L3MBTL3: variants seen among roughly 807,000 people sequenced by gnomAD.
L3MBTL3 encodes lethal(3)malignant brain tumor-like protein 3.
In L3MBTL3, 27 loss-of-function variants were observed where a neutral mutation model predicts 102.3. The ratio of observed to expected loss-of-function variants is 0.26; its 90% confidence interval spans 0.19 to 0.36. The LOEUF (loss-of-function observed/expected upper bound fraction) is 0.36, where lower values mean the gene tolerates loss of function less well. Among genes scored for constraint, L3MBTL3 ranks in the 10% least tolerant of loss-of-function variants. L3MBTL3 has a pLI of 1.00. For synonymous variants in L3MBTL3, 340 were observed against 320.9 expected, an observed-to-expected ratio of 1.06 and a Z score of -0.64; for missense variants, 798 against 955.3, an observed-to-expected ratio of 0.84 and a Z score of 2.17.
At chr6:130,023,681 G>T (rs1457975365) in intron 2 of L3MBTL3, among the ~76,000 whole-genome samples, 2 of 152,132 alleles carry the variant, frequency 1.3e-5, no homozygotes, top group African/African-American at 2.4e-5. Context: ...AATAAAATCA[G>T]ATTTTGAGAA....
chr6:130,070,611 A>G (rs1294817753), intron 12 of L3MBTL3, among the ~76,000 whole-genome samples: 3 of 152,142 alleles, frequency 2.0e-5, no homozygotes, highest in Non-Finnish European at 2.9e-5. Flanking sequence ...GTCTGTAATC[A>G]AGAAAAGAAG....
At chr6:130,136,049 T>G (rs1787619744) in intron 22 of L3MBTL3, among the ~76,000 whole-genome samples, 1 of 152,214 alleles carries the variant, frequency 6.6e-6, no homozygotes, top group African/African-American at 2.4e-5. Flanking sequence ...AAAATCCTAT[T>G]GGGTGTATCT....
chr6:130,078,333 GAA>G (rs1783089305), intron 13 of L3MBTL3, among the ~76,000 whole-genome samples: 1 of 152,112 alleles, frequency 6.6e-6, no homozygotes, highest in South Asian at 2.1e-4. Context: ...GTGGGGAAAA[GAA>G]AATTGCATGG....
intron 7 of L3MBTL3, 111 bp downstream of exon 7, chr6:130,053,102 C>A: frequency 1.3e-6 from 1 of 782,788 alleles, no homozygotes; most frequent in Non-Finnish European, 2.1e-6. Context: ...GGTTCCAGGA[C>A]TATCTGTGTT....
intron 13 of L3MBTL3, 80 bp downstream of exon 13, chr6:130,071,207 G>C (rs145934291): frequency 3.2e-6 from 4 of 1,243,666 alleles, no homozygotes; most frequent in Non-Finnish European, 4.4e-6. Flanking sequence ...ATAGTGCAAC[G>C]CTTATAACAA....
chr6:130,062,068 T>G (rs538101123), intron 10 of L3MBTL3, among the ~76,000 whole-genome samples: 1 of 152,322 alleles, frequency 6.6e-6, no homozygotes, highest in Non-Finnish European at 1.5e-5. Context: ...GAAGTTTAGC[T>G]ATAGAAGAGA....
intron 13 of L3MBTL3, among the ~76,000 whole-genome samples, chr6:130,076,366 AC>A (rs1035104084): frequency 3.9e-5 from 6 of 152,096 alleles, no homozygotes; most frequent in African/African-American, 1.4e-4. Context: ...TTTCTTTTCT[AC>A]CCGAGTGCTT....
intron 20 of L3MBTL3, among the ~76,000 whole-genome samples, chr6:130,128,430 C>T (rs1302444430): frequency 6.6e-6 from 1 of 152,144 alleles, no homozygotes; most frequent in Non-Finnish European, 1.5e-5. Flanking sequence ...CATTAAAGTA[C>T]TATTCTACCC....
chr6:130,033,107 T>G (rs1264145435), intron 2 of L3MBTL3, among the ~76,000 whole-genome samples: 1 of 151,608 alleles, frequency 6.6e-6, no homozygotes, highest in Non-Finnish European at 1.5e-5. Context: ...GAGGGAAGGG[T>G]AAGGGATGGA....
intron 15 of L3MBTL3, among the ~76,000 whole-genome samples, chr6:130,084,311 A>G (rs1189323029): frequency 6.6e-6 from 1 of 152,170 alleles, no homozygotes; most frequent in Admixed American, 6.5e-5. Flanking sequence ...AGCTTGCTTT[A>G]TGATTTAGAT....
chr6:130,063,081 A>G (rs2114930812), intron 10 of L3MBTL3, among the ~76,000 whole-genome samples: 1 of 149,848 alleles, frequency 6.7e-6, no homozygotes, highest in Middle Eastern at 3.5e-3. Flanking sequence ...ACTAGGGAGT[A>G]GAGTATTGGA....
At chr6:130,028,666 TG>T (rs1160846022) in intron 2 of L3MBTL3, among the ~76,000 whole-genome samples, 6 of 152,214 alleles carry the variant, frequency 3.9e-5, no homozygotes, top group African/African-American at 1.2e-4. Flanking sequence ...ATATCAAAGG[TG>T]GTCTCTGTCA....
intron 18 of L3MBTL3, among the ~76,000 whole-genome samples, chr6:130,096,714 C>T (rs567764198): frequency 3.9e-5 from 6 of 152,350 alleles, no homozygotes; most frequent in African/African-American, 1.4e-4. Context: ...ACACCCATTT[C>T]ACCAAGTTTC....
chr6:130,128,949 C>A (rs984808892), intron 20 of L3MBTL3, among the ~76,000 whole-genome samples: 2 of 152,054 alleles, frequency 1.3e-5, no homozygotes, highest in Non-Finnish European at 2.9e-5. Context: ...GGTGCAGGGT[C>A]GGTAGAGGCA....
intron 9 of L3MBTL3, among the ~76,000 whole-genome samples, chr6:130,059,592 T>C (rs1781759102): frequency 6.6e-6 from 1 of 152,274 alleles, no homozygotes; most frequent in Admixed American, 6.5e-5. Flanking sequence ...GTTAGAATTG[T>C]TGTATCAAAA....
At position 130,049,400 on chromosome 6, in the gene L3MBTL3, A is replaced by T; in HGVS notation, c.214+7A>T. The T allele has an allele frequency of 1.4e-6, 2 of 1,468,192 alleles. No homozygotes were observed. Among genetic ancestry groups the T allele is most frequent in the Non-Finnish European group, 1.9e-6 (2 of 1,058,440 alleles). 90.9% of individuals were successfully genotyped at this position (1,468,192 alleles called of 1,614,324 possible). A position where few individuals can be genotyped will look rare whatever the true frequency, so the allele number is the denominator to read the frequency against. On this transcript the variant is annotated splice_region_variant and intron_variant, in intron 4 of 22. Coordinates refer to ENST00000361794, the MANE Select transcript of L3MBTL3 (RefSeq NM_032438.4). ...GTACCAACTGCTCAAGAAGGTAAGG[A>T]TGGGTCATCTGCATTTTATTTCTTG...
intron 18 of L3MBTL3, among the ~76,000 whole-genome samples, chr6:130,102,533 T>C (rs1328790762): frequency 6.6e-6 from 1 of 152,244 alleles, no homozygotes; most frequent in Non-Finnish European, 1.5e-5. Context: ...CAGCTTCAGA[T>C]GTAATGTTTG....
At chr6:130,077,442 A>G (rs1161821417) in intron 13 of L3MBTL3, among the ~76,000 whole-genome samples, 2 of 152,192 alleles carry the variant, frequency 1.3e-5, no homozygotes, top group African/African-American at 4.8e-5. Flanking sequence ...AGTTTGTGGT[A>G]GAAACAGTAT....
intron 20 of L3MBTL3, among the ~76,000 whole-genome samples, chr6:130,132,596 T>C (rs1787174792): frequency 6.6e-6 from 1 of 152,064 alleles, no homozygotes; most frequent in African/African-American, 2.4e-5. Context: ...GAATACAGAG[T>C]TTTCAGAAAA....
Sources: gnomAD v4.1 joint callset for allele counts (sites outside exome capture counted in the v4.1 genomes callset) on GRCh38, gnomAD v4.1.1 for gene constraint, MANE v1.5 for transcripts, NCBI Gene and HGNC (gene_info 2026-07-23, HGNC 2026-07-21) for gene names.